The following SCYL3 variants were observed in gnomAD, a reference collection of about 807,000 sequenced individuals.
The protein encoded by SCYL3 is protein-associating with the carboxyl-terminal domain of ezrin.
In SCYL3, 35 loss-of-function variants were observed where a neutral mutation model predicts 73.8. The ratio of observed to expected loss-of-function variants is 0.47; its 90% CI spans 0.36 to 0.63. The LOEUF is 0.63. Ranked by LOEUF, SCYL3 falls within the 20% of genes least tolerant of loss-of-function variation. SCYL3 has a pLI of 0.00. For synonymous variants in SCYL3, 277 were observed against 295.2 expected (o/e 0.94, Z 0.63); for missense variants, 712 against 798.9 (o/e 0.89, Z 1.31).
In SCYL3 at chr1:169,850,158, C is replaced by G. The variant is rs1657928759; in HGVS notation, c.*3555G>C. 4.4e-6 allele frequency: 3 copies of G among 674,420 alleles called. No homozygotes were observed. Among genetic ancestry groups the G allele is most frequent in the Non-Finnish European group, 7.8e-6 (3 of 387,092 alleles). 41.8% of individuals were successfully genotyped at this position (674,420 alleles called of 1,614,324 possible). A position where few individuals can be genotyped will look rare whatever the true frequency, so the allele number is the denominator to read the frequency against. On this transcript the variant is annotated 3_prime_UTR_variant, in exon 13 of 13. Coordinates refer to ENST00000367771, the MANE Select transcript of SCYL3 (RefSeq NM_020423.7). ...TCACCTTTGAGGATCCTCTGGGACT[C>G]TTACTTAAAATGAATTTTTGGTTAA... is the stretch of plus-strand genomic sequence containing the variant.
At chr1:169,888,558 A>C (rs1661835963) in intron 2 of SCYL3, 118 bp downstream of exon 2, 2 of 768,174 alleles carry the variant, frequency 2.6e-6, no homozygotes, top group Admixed American at 5.8e-5. Flanking sequence ...AAAGGACATA[A>C]ATAAAATACT....
rs1203663415 is a variant in SCYL3 at position 169,852,850 on chromosome 1, C to A, written c.*863G>T. Reference sequence around the variant, plus strand: ...GGAAGAAGAGTACAGGTCAGCGCTGCATACAATAGCAGGGGCTTTGGAAGC... The same window carrying A: ...GGAAGAAGAGTACAGGTCAGCGCTGAATACAATAGCAGGGGCTTTGGAAGC... On this transcript the variant is annotated 3_prime_UTR_variant, in exon 13 of 13. Coordinates refer to ENST00000367771, the MANE Select transcript of SCYL3 (RefSeq NM_020423.7). 6.2e-7 allele frequency: 1 copy of A among 1,613,994 alleles called. No individual in the cohort carries two copies. The highest frequency in any genetic ancestry group is 2.2e-5 in the East Asian group (1 of 44,900).
At position 169,849,987 on chromosome 1, in the gene SCYL3, C is replaced by T. The variant is rs969475878; in HGVS notation, c.*3726G>A. 2.1e-6 allele frequency: 1 copy of T among 484,724 alleles called. No homozygotes were observed. Among genetic ancestry groups the T allele is most frequent in the Non-Finnish European group, 3.7e-6 (1 of 271,122 alleles). 30.0% of individuals were successfully genotyped at this position (484,724 alleles called of 1,614,324 possible). A position where few individuals can be genotyped will look rare whatever the true frequency, so the allele number is the denominator to read the frequency against. On this transcript the variant is annotated 3_prime_UTR_variant, in exon 13 of 13. Coordinates refer to ENST00000367771, the MANE Select transcript of SCYL3 (RefSeq NM_020423.7). Reference sequence around the variant, plus strand: ...AAGATGGGTTGCTCCTTTACTCTTACTGCATTTGCTGTATAGTCATGCCTA... The same window carrying T: ...AAGATGGGTTGCTCCTTTACTCTTATTGCATTTGCTGTATAGTCATGCCTA...
At chr1:169,877,432 A>G (rs113448567) in intron 3 of SCYL3, among the ~76,000 whole-genome samples, 4,520 of 152,334 alleles carry the variant, frequency 0.03, 231 homozygotes, top group East Asian at 0.23. Context: ...TGCTGGGATT[A>G]CAGGTGTGAG....
intron 3 of SCYL3, 114 bp downstream of exon 3, chr1:169,878,520 A>T: frequency 1.1e-6 from 1 of 940,678 alleles, no homozygotes. Flanking sequence ...TCTAATAATA[A>T]CACTTAACTT....
At chr1:169,879,264 G>A (rs767722676) in intron 2 of SCYL3, among the ~76,000 whole-genome samples, 8 of 152,202 alleles carry the variant, frequency 5.3e-5, no homozygotes, top group Non-Finnish European at 1.2e-4. Context: ...ACAGGCCCCA[G>A]TTGCAAAGCA....
intron 2 of SCYL3, 72 bp from the exon 3 acceptor site, chr1:169,878,891 G>T: frequency 1.5e-6 from 2 of 1,350,654 alleles, no homozygotes; most frequent in Non-Finnish European, 2.0e-6. Flanking sequence ...TACATTATGG[G>T]GGAAATCAGA....
chr1:169,878,486 A>T (rs543949118), intron 3 of SCYL3, 148 bp downstream of exon 3: 3 of 652,292 alleles, frequency 4.6e-6, no homozygotes, highest in Non-Finnish European at 7.5e-6. Context: ...GCCTTCCAAC[A>T]TGCTATTTTT....
At position 169,862,706 on chromosome 1, in the gene SCYL3, A is replaced by T; in HGVS notation, c.1047T>A (p.His349Gln). Reference protein sequence around the residue: ...IPVLLQLFEVHEEHVRMVLLS... With the variant: ...IPVLLQLFEVQEEHVRMVLLS... ...GCAGCACCATCCGCACATGCTCTTC[A>T]TGAACTTCAAACAACTGGAGAAGCA... Residue 349 changes from histidine (H) to glutamine (Q), a missense_variant, in exon 10 of 13, where the codon CAT becomes CAA. By Grantham distance (24) the His-to-Gln change is conservative. Transcript: ENST00000367771. 1 of 1,614,206 alleles carries T rather than the reference A, an allele frequency of 6.2e-7. No individual in the cohort carries two copies.
intron 2 of SCYL3, among the ~76,000 whole-genome samples, chr1:169,883,072 C>T (rs1026607750): frequency 6.6e-6 from 1 of 152,056 alleles, no homozygotes; most frequent in South Asian, 2.1e-4. Flanking sequence ...CGAAGGTCCA[C>T]GGCTTCACTC....
At chr1:169,875,556 A>G (rs568090888) in intron 4 of SCYL3, among the ~76,000 whole-genome samples, 1 of 152,368 alleles carries the variant, frequency 6.6e-6, no homozygotes, top group Admixed American at 6.5e-5. Context: ...AATACCTAGT[A>G]TGTGCCAGGC....
chr1:169,853,612 G>A lies in SCYL3; in HGVS notation c.*101C>T. Reference sequence around the variant, plus strand: ...ATGAGCTCCTGGGATGGGAAAAGCAGGCCACTTTGGGGTTTTCTTGTCCCA... The same window carrying A: ...ATGAGCTCCTGGGATGGGAAAAGCAAGCCACTTTGGGGTTTTCTTGTCCCA... On this transcript the variant is annotated 3_prime_UTR_variant, in exon 13 of 13. Coordinates refer to ENST00000367771, the MANE Select transcript of SCYL3 (RefSeq NM_020423.7). 8.0e-7 allele frequency: 1 copy of A among 1,252,078 alleles called. No individual in the cohort carries two copies. The highest frequency in any genetic ancestry group is 1.1e-6 in the Non-Finnish European group (1 of 876,924). The allele number at this position is 1,252,078 out of a possible 1,614,324, so 77.6% of individuals were successfully genotyped here.
chr1:169,850,505 A>AAAAC lies in SCYL3; in HGVS notation c.*3204_*3207dup, dbSNP rs542777013. On this transcript the variant is annotated 3_prime_UTR_variant, in exon 13 of 13. Transcript: ENST00000367771. ...ACTAAGCAATTGAGGCCACAGAAGTAAAACACTTGGGGCCAGGCGCGGCGG... is the reference window on the plus strand; with the variant it reads ...ACTAAGCAATTGAGGCCACAGAAGTAAAACAAACACTTGGGGCCAGGCGCGGCGG... The AAAAC allele has an allele frequency of 1.4e-3, 788 of 566,478 alleles. 2 individuals carry two copies. The highest frequency in any genetic ancestry group is 6.7e-3 in the Middle Eastern group (20 of 2,982). The allele number at this position is 566,478 out of a possible 1,614,324, so 35.1% of individuals were successfully genotyped here.
intron 6 of SCYL3, among the ~76,000 whole-genome samples, chr1:169,869,574 C>A (rs17543730): frequency 1.3e-5 from 2 of 152,104 alleles, no homozygotes; most frequent in African/African-American, 4.8e-5. Context: ...CAGAATAAAC[C>A]GCATTAGAAC....
intron 8 of SCYL3, among the ~76,000 whole-genome samples, chr1:169,866,343 T>C (rs1171413461): frequency 1.3e-5 from 2 of 152,234 alleles, no homozygotes; most frequent in East Asian, 3.8e-4. Context: ...AGTTAAGCCT[T>C]CCCACTCAAT....
At position 169,851,616 on chromosome 1, in the gene SCYL3, ATAAC is replaced by A. The variant is rs777843967; in HGVS notation, c.*2093_*2096del. ...CATTTTTTCCTGCAAAGACAACTCT[ATAAC>A]TAACTATTTTGTAAGGAAGAACACA... On this transcript the variant is annotated 3_prime_UTR_variant, in exon 13 of 13. Transcript: ENST00000367771. The A allele has an allele frequency of 4.2e-4, 271 of 648,194 alleles. No homozygotes were observed. Among genetic ancestry groups the A allele is most frequent in the South Asian group, 1.0e-3 (46 of 45,270 alleles). 40.2% of individuals were successfully genotyped at this position (648,194 alleles called of 1,614,324 possible).
At chr1:169,879,443 C>A (rs1365261999) in intron 2 of SCYL3, among the ~76,000 whole-genome samples, 2 of 152,156 alleles carry the variant, frequency 1.3e-5, no homozygotes, top group Non-Finnish European at 2.9e-5. Flanking sequence ...AAGCAAGCAT[C>A]CACTGGATAG....
Position 169,873,715 on chromosome 1 carries a change from G to C in SCYL3, c.503C>G (p.Ser168Cys), listed in dbSNP as rs546083348. Residue 168 changes from serine (S) to cysteine (C), a missense_variant, in exon 5 of 13, where the codon TCT (serine) becomes TGT (cysteine). By Grantham distance (112) the Ser-to-Cys change is moderately radical (BLOSUM62 -1). Transcript: ENST00000367771. ...TCTTACCATCTCTTCAGGAGGGATAGATGCTGGGTCTCTTATTGACTGAAT... is the reference window on the plus strand; with the variant it reads ...TCTTACCATCTCTTCAGGAGGGATACATGCTGGGTCTCTTATTGACTGAAT... The part of the protein sequence containing the change: ...RSIQSIRDPA[S>C]IPPEEMSPEF... 3.7e-6 allele frequency: 6 copies of C among 1,604,782 alleles called. No homozygotes were observed. The South Asian group carries it at 5.5e-5, about 15-fold the overall frequency.
chr1:169,853,774 T>C lies in SCYL3; in HGVS notation c.2008-2A>G. The stretch of plus-strand genomic sequence containing the variant: ...TTCTTCCCAGCCTTCAGCCTCTCCC[T>C]GCAACAAAATAAAGCACACCAAGAA... On this transcript the variant is annotated splice_acceptor_variant, in intron 12 of 12. Coordinates refer to ENST00000367771, the MANE Select transcript of SCYL3 (RefSeq NM_020423.7). LOFTEE classifies it high-confidence loss of function. 3.1e-6 allele frequency: 5 copies of C among 1,613,816 alleles called. No homozygotes were observed. Among genetic ancestry groups the C allele is most frequent in the Non-Finnish European group, 4.2e-6 (5 of 1,179,868 alleles).
Sources: allele counts gnomAD v4.1 joint callset (sites outside exome capture counted in the v4.1 genomes callset), GRCh38; gene constraint gnomAD v4.1.1; transcripts MANE v1.5; gene names NCBI Gene and HGNC (gene_info 2026-07-23, HGNC 2026-07-21).